CCDC178: variants seen among roughly 807,000 people sequenced by gnomAD.
CCDC178 encodes the protein coiled-coil domain-containing protein 178.
In CCDC178, 126 loss-of-function variants were observed where a neutral mutation model predicts 117.4. The ratio of observed to expected loss-of-function variants is 1.07; its 90% confidence interval spans 0.93 to 1.24. CCDC178 has a LOEUF of 1.24. CCDC178 is among the 50% of genes most tolerant of loss of function. CCDC178 has a pLI of 0.00. For missense variants in CCDC178, 1,030 were observed against 986.9 expected (o/e 1.04, Z -0.59); for synonymous variants, 283 against 313.4 (o/e 0.90, Z 1.02).
intron 20 of CCDC178, among the ~76,000 whole-genome samples, chr18:33,204,851 T>G (rs2059030908): frequency 6.6e-6 from 1 of 152,090 alleles, no homozygotes; most frequent in Non-Finnish European, 1.5e-5. Flanking sequence ...ACTAAACACT[T>G]TCTGAAAGTG....
chr18:33,328,205 C>T (rs1376486327), intron 10 of CCDC178: 4 of 252,404 alleles, frequency 1.6e-5, no homozygotes, highest in East Asian at 3.2e-4. Flanking sequence ...CGGGCTCAAG[C>T]GATTCTTCTG....
chr18:33,043,994 A>G (rs1391659332), intron 21 of CCDC178, among the ~76,000 whole-genome samples: 2 of 151,128 alleles, frequency 1.3e-5, no homozygotes, highest in African/African-American at 4.9e-5. Context: ...TGGACTCAGA[A>G]TTTTCTAGAT....
At chr18:33,283,829 T>G (rs922714229) in intron 12 of CCDC178, among the ~76,000 whole-genome samples, 2 of 152,230 alleles carry the variant, frequency 1.3e-5, no homozygotes, top group African/African-American at 4.8e-5. Context: ...TAGTTCATCG[T>G]TGTGGATTAC....
chr18:33,394,209 G>A (rs1263172252), intron 4 of CCDC178, among the ~76,000 whole-genome samples: 1 of 151,820 alleles, frequency 6.6e-6, no homozygotes, highest in Non-Finnish European at 1.5e-5. Flanking sequence ...TTGAACCAAT[G>A]AGGATGAAAA....
intron 22 of CCDC178, among the ~76,000 whole-genome samples, chr18:32,946,764 T>C (rs1374062276): frequency 6.8e-6 from 1 of 146,750 alleles, no homozygotes; most frequent in African/African-American, 2.5e-5. Context: ...TTTTTGTTAG[T>C]GTCTTTTTTT....
intron 15 of CCDC178, among the ~76,000 whole-genome samples, chr18:33,238,832 G>A (rs2059454279): frequency 2.0e-5 from 3 of 152,062 alleles, no homozygotes; most frequent in African/African-American, 7.2e-5. Flanking sequence ...GCACATTGTA[G>A]TCACATTGTC....
chr18:33,408,971 T>C (rs1325087677), intron 3 of CCDC178, among the ~76,000 whole-genome samples: 1 of 152,240 alleles, frequency 6.6e-6, no homozygotes, highest in Non-Finnish European at 1.5e-5. Flanking sequence ...CTGAAAATAC[T>C]ATTGGTCAGC....
At chr18:33,438,666 G>A (rs1024562546) in intron 2 of CCDC178, among the ~76,000 whole-genome samples, 1 of 151,640 alleles carries the variant, frequency 6.6e-6, no homozygotes, top group African/African-American at 2.4e-5. Flanking sequence ...TTTTCCACCA[G>A]GTATATAACC....
At chr18:33,062,703 T>C (rs559638090) in intron 21 of CCDC178, among the ~76,000 whole-genome samples, 1 of 152,124 alleles carries the variant, frequency 6.6e-6, no homozygotes, top group Non-Finnish European at 1.5e-5. Context: ...GAGAGGGAGT[T>C]TGTGCTGGGT....
chr18:33,076,154 C>G (rs569127575), intron 21 of CCDC178, among the ~76,000 whole-genome samples: 2 of 152,008 alleles, frequency 1.3e-5, no homozygotes, highest in African/African-American at 4.8e-5. Context: ...CCTAAGACCA[C>G]CTGGCTTTTC....
chr18:33,192,562 G>A (rs1351705747), intron 20 of CCDC178, among the ~76,000 whole-genome samples: 2 of 152,156 alleles, frequency 1.3e-5, no homozygotes, highest in Non-Finnish European at 2.9e-5. Flanking sequence ...CTACAACAGA[G>A]GCAGGCTTTC....
intron 3 of CCDC178, among the ~76,000 whole-genome samples, chr18:33,411,769 G>A (rs1168583733): frequency 2.0e-5 from 3 of 152,006 alleles, no homozygotes; most frequent in African/African-American, 4.8e-5. Context: ...CACCATTGTT[G>A]TACTGCTTAC....
At chr18:33,253,340 T>C (rs1354920360) in intron 14 of CCDC178, among the ~76,000 whole-genome samples, 1 of 151,848 alleles carries the variant, frequency 6.6e-6, no homozygotes, top group Non-Finnish European at 1.5e-5. Flanking sequence ...ATTTAAACAG[T>C]GTAAAAGTCT....
chr18:33,218,533 A>T (rs2059194792), intron 18 of CCDC178, among the ~76,000 whole-genome samples: 1 of 152,138 alleles, frequency 6.6e-6, no homozygotes, highest in South Asian at 2.1e-4. Flanking sequence ...GCCAATGCCT[A>T]TGTCCTGAAT....
intron 21 of CCDC178, among the ~76,000 whole-genome samples, chr18:33,023,731 T>TCAATAAAATTGAACATAGAAAAA: frequency 6.6e-6 from 1 of 151,656 alleles, no homozygotes; most frequent in African/African-American, 2.4e-5. Context: ...AAAACAGAAA[T>TCAATAAAATTGAACATAGAAAAA]CAATAAAATT....
chr18:33,120,663 C>G (rs1310981011), intron 20 of CCDC178, among the ~76,000 whole-genome samples: 1 of 152,116 alleles, frequency 6.6e-6, no homozygotes, highest in Non-Finnish European at 1.5e-5. Context: ...AATAACATTT[C>G]CAATCATGTG....
chr18:33,013,127 A>G (rs1287422092), intron 21 of CCDC178, among the ~76,000 whole-genome samples: 1 of 152,116 alleles, frequency 6.6e-6, no homozygotes, highest in African/African-American at 2.4e-5. Flanking sequence ...ACCAATCTAG[A>G]ATACTTTTAT....
chr18:33,053,383 T>C (rs924045079), intron 21 of CCDC178, among the ~76,000 whole-genome samples: 2 of 152,220 alleles, frequency 1.3e-5, no homozygotes, highest in African/African-American at 4.8e-5. Flanking sequence ...ATTCAAATAG[T>C]TGAGGGCTCC....
chr18:32,954,454 A>G (rs2054552393), intron 22 of CCDC178: 1 of 152,174 alleles, frequency 6.6e-6, no homozygotes, highest in East Asian at 1.9e-4. Flanking sequence ...TGCATTTTAC[A>G]TTGTATTTGG....
Sources: allele counts gnomAD v4.1 joint callset (sites outside exome capture counted in the v4.1 genomes callset), GRCh38; gene constraint gnomAD v4.1.1; transcripts MANE v1.5; gene names NCBI Gene and HGNC (gene_info 2026-07-23, HGNC 2026-07-21).